The following WSCD2 variants were observed in gnomAD, a reference collection of about 807,000 sequenced individuals.
WSCD2 encodes WSC domain sialate O sulfotransferase 2, also known as sialate:O-sulfotransferase 2.
Under a neutral mutation model 55.7 loss-of-function variants are expected in WSCD2, and 28 were observed. The observed-to-expected ratio is 0.50, with a 90% CI of 0.37 to 0.69. The LOEUF (loss-of-function observed/expected upper bound fraction) is 0.69. Among genes scored for constraint, WSCD2 ranks in the 30% least tolerant of loss-of-function variants. The pLI is 0.00. For synonymous variants in WSCD2, 301 were observed against 301.9 expected (o/e 1.00, Z 0.03); for missense variants, 616 against 762.1 (o/e 0.81, Z 2.26).
rs113409001 is a variant in WSCD2, at chr12:108,173,810, CTGTGTGTGTGTG to C, written c.-551-21438_-551-21427del. ...TGAGGCAGAGCTGATTCCTGGCTCT[CTGTGTGTGTGTG>C]TGTGTGTGTGTGTGTGTGTGTGTGT... On this transcript the variant is annotated intron_variant, in intron 1 of 8. Transcript: ENST00000547525. Among the ~76,000 whole-genome samples the C allele has an allele frequency of 2.7e-3, 353 of 131,230 alleles. 3 individuals carry two copies. The highest frequency in any genetic ancestry group is 1.0e-2 in the African/African-American group (326 of 32,730). The allele number at this position is 131,230 out of a possible 152,430, so 86.1% of individuals were successfully genotyped here.
At chr12:108,184,364 T>C (rs1882185549) in intron 1 of WSCD2, among the ~76,000 whole-genome samples, 1 of 151,746 alleles carries the variant, frequency 6.6e-6, no homozygotes, top group Non-Finnish European at 1.5e-5. Context: ...TGGGCTTGGG[T>C]GATTTGGGGG....
At chr12:108,243,399 G>A (rs575235832) in intron 8 of WSCD2, among the ~76,000 whole-genome samples, 2 of 152,176 alleles carry the variant, frequency 1.3e-5, no homozygotes, top group East Asian at 3.9e-4. Flanking sequence ...CACCACACCT[G>A]GCTAATTTTT....
chr12:108,186,016 G>T (rs1882442191), intron 1 of WSCD2, among the ~76,000 whole-genome samples: 2 of 152,058 alleles, frequency 1.3e-5, no homozygotes, highest in South Asian at 4.1e-4. Context: ...CCTGCACCTT[G>T]GGTCCCTTTC....
At position 108,129,799 on chromosome 12, in the gene WSCD2, C is replaced by A. The variant is rs553089689; in HGVS notation, c.-679C>A. On this transcript the variant is annotated 5_prime_UTR_variant, in exon 1 of 9. Transcript: ENST00000547525. Reference sequence around the variant, plus strand: ...AATCCAGGCTCCCCTTTCCTTAAAGCCACTGCAGCAGCTGGGAAGGCGCCC... The same window carrying A: ...AATCCAGGCTCCCCTTTCCTTAAAGACACTGCAGCAGCTGGGAAGGCGCCC... 2.6e-5 allele frequency: 4 copies of A among 152,274 alleles called. No individual in the cohort carries two copies. The highest frequency in any genetic ancestry group is 5.9e-5 in the Non-Finnish European group (4 of 68,080). 9.4% of individuals were successfully genotyped at this position (152,274 alleles called of 1,614,324 possible).
At chr12:108,163,237 C>A (rs369879799) in intron 1 of WSCD2, among the ~76,000 whole-genome samples, 1 of 152,008 alleles carries the variant, frequency 6.6e-6, no homozygotes, top group African/African-American at 2.4e-5. Context: ...GGCGTGGTGG[C>A]GGGCACCTGT....
In WSCD2 at chr12:108,249,629, C is replaced by G. The variant is rs1467896860; in HGVS notation, c.*1286C>G. Reference sequence around the variant, plus strand: ...AAAGCCATAGGTCATAGCCTCTTTGCTATTCTATTGGAGTAGCCTCCCTAG... The same window carrying G: ...AAAGCCATAGGTCATAGCCTCTTTGGTATTCTATTGGAGTAGCCTCCCTAG... On this transcript the variant is annotated 3_prime_UTR_variant, in exon 9 of 9. Coordinates refer to ENST00000547525, the MANE Select transcript of WSCD2 (RefSeq NM_014653.4). The G allele has an allele frequency of 6.6e-6, 1 of 152,652 alleles. No homozygotes were observed. The highest frequency in any genetic ancestry group is 2.4e-5 in the African/African-American group (1 of 41,452). The allele number at this position is 152,652 out of a possible 1,614,324, so 9.5% of individuals were successfully genotyped here.
Position 108,154,980 on chromosome 12 carries a change from A to G in WSCD2, c.-552+25054A>G, listed in dbSNP as rs944303623. Among the ~76,000 whole-genome samples, 7 of 152,192 alleles carry G rather than the reference A, an allele frequency of 4.6e-5. No individual in the cohort carries two copies. In the South Asian group the frequency reaches 6.2e-4, roughly 14 times the overall value. The stretch of plus-strand genomic sequence containing the variant: ...AGAAGTACCACGTGAGACATGGCGA[A>G]TATGCCCCAGATCCCAGCCTGCAGC... On this transcript the variant is annotated intron_variant, in intron 1 of 8. Coordinates refer to ENST00000547525, the MANE Select transcript of WSCD2 (RefSeq NM_014653.4).
chr12:108,238,206 T>C (rs142684532), intron 7 of WSCD2, among the ~76,000 whole-genome samples: 2 of 152,372 alleles, frequency 1.3e-5, no homozygotes, highest in Non-Finnish European at 2.9e-5. Flanking sequence ...AGGAGATTTT[T>C]TCCATGACAC....
intron 1 of WSCD2, among the ~76,000 whole-genome samples, chr12:108,140,021 A>G (rs921414956): frequency 2.0e-5 from 3 of 152,178 alleles, no homozygotes; most frequent in African/African-American, 7.2e-5. Context: ...TGATGTGTCT[A>G]GGATTGCTGT....
At chr12:108,246,535 T>C (rs1445484603) in intron 8 of WSCD2, among the ~76,000 whole-genome samples, 1 of 152,168 alleles carries the variant, frequency 6.6e-6, no homozygotes, top group African/African-American at 2.4e-5. Context: ...TTCTGCACTT[T>C]CCCCAGCTCC....
intron 1 of WSCD2, among the ~76,000 whole-genome samples, chr12:108,134,243 C>A (rs1453162680): frequency 6.6e-6 from 1 of 152,134 alleles, no homozygotes; most frequent in Non-Finnish European, 1.5e-5. Flanking sequence ...CTCCCTCCTC[C>A]CTGTATCCAT....
chr12:108,147,717 AAAATTACAG>A (rs1438937300), intron 1 of WSCD2, among the ~76,000 whole-genome samples: 3 of 152,130 alleles, frequency 2.0e-5, no homozygotes, highest in African/African-American at 7.2e-5. Context: ...CCTCTACAAA[AAAATTACAG>A]AAATTAGCCG....
Position 108,232,455 on chromosome 12 carries a change from A to T in WSCD2, c.980-276A>T, listed in dbSNP as rs529251904. On this transcript the variant is annotated intron_variant, in intron 6 of 8. Coordinates refer to ENST00000547525, the MANE Select transcript of WSCD2 (RefSeq NM_014653.4). Reference sequence around the variant, plus strand: ...AGATTCACCCTCCTAGCTGACTTCTATTGGATCCCTACTATGGGCTAAGCA... The same window carrying T: ...AGATTCACCCTCCTAGCTGACTTCTTTTGGATCCCTACTATGGGCTAAGCA... Among the ~76,000 whole-genome samples the T allele has an allele frequency of 6.6e-5, 10 of 152,244 alleles. No homozygotes were observed. In the South Asian group the frequency reaches 2.1e-3, roughly 32 times the overall value.
At chr12:108,180,988 A>T (rs1592949917) in intron 1 of WSCD2, among the ~76,000 whole-genome samples, 1 of 152,228 alleles carries the variant, frequency 6.6e-6, no homozygotes, top group Non-Finnish European at 1.5e-5. Context: ...GTCACCCAGG[A>T]CACCCAGCCT....
intron 1 of WSCD2, among the ~76,000 whole-genome samples, chr12:108,178,737 C>T (rs1176783159): frequency 1.3e-5 from 2 of 152,130 alleles, no homozygotes; most frequent in African/African-American, 4.8e-5. Flanking sequence ...AAGCACACCC[C>T]AGTGACCTAA....
chr12:108,194,615 A>G (rs1029967229), intron 1 of WSCD2, among the ~76,000 whole-genome samples: 1 of 152,162 alleles, frequency 6.6e-6, no homozygotes, highest in South Asian at 2.1e-4. Context: ...AGCTGAGCAC[A>G]TGGTAGACAC....
chr12:108,173,862 C>A (rs1362492905), intron 1 of WSCD2, among the ~76,000 whole-genome samples: 1 of 119,818 alleles, frequency 8.3e-6, no homozygotes, highest in Admixed American at 7.7e-5. Context: ...GTGTCAGGGA[C>A]TATCAGGGGT....
At chr12:108,220,403 A>G (rs1887353624) in intron 4 of WSCD2, among the ~76,000 whole-genome samples, 1 of 152,236 alleles carries the variant, frequency 6.6e-6, no homozygotes, top group Admixed American at 6.5e-5. Context: ...CCTCATCTGT[A>G]AAAATGGGAA....
At chr12:108,152,110 C>T (rs1464169324) in intron 1 of WSCD2, among the ~76,000 whole-genome samples, 3 of 152,272 alleles carry the variant, frequency 2.0e-5, no homozygotes, top group Middle Eastern at 3.4e-3. Context: ...GGGAAACGCT[C>T]AGAGGAAACC....
Sources: gnomAD v4.1 joint callset for allele counts (sites outside exome capture counted in the v4.1 genomes callset) on GRCh38, gnomAD v4.1.1 for gene constraint, MANE v1.5 for transcripts, NCBI Gene and HGNC (gene_info 2026-07-23, HGNC 2026-07-21) for gene names.